Variants in CRAMP1 observed in about 807,000 individuals in gnomAD.
CRAMP1 encodes the protein cramped chromatin regulator 1, also known as protein cramped-like.
Under a neutral mutation model 115.4 loss-of-function variants are expected in CRAMP1, and 50 were observed. The ratio of observed to expected loss-of-function variants is 0.43; its 90% CI spans 0.35 to 0.55. The LOEUF (loss-of-function observed/expected upper bound fraction) is 0.55. CRAMP1 is among the 20% of genes least tolerant of loss of function. CRAMP1 has a pLI of 0.01. For missense variants in CRAMP1, 1,679 were observed against 1,721.7 expected (o/e 0.98, Z 0.44); for synonymous variants, 866 against 745.4 (o/e 1.16, Z -2.64).
chr16:1,640,103 C>T (rs576723201), intron 5 of CRAMP1, among the ~76,000 whole-genome samples: 76 of 152,312 alleles, frequency 5.0e-4, no homozygotes, highest in African/African-American at 1.8e-3. Flanking sequence ...CTTTCCGGTG[C>T]TTTTCATTCC....
In CRAMP1 at chr16:1,674,079, G is replaced by A. The variant is rs201837993; in HGVS notation, c.*34G>A. 1,296 of 1,600,158 alleles carry A rather than the reference G, an allele frequency of 8.1e-4. 6 individuals are homozygous for A. Among genetic ancestry groups the A allele is most frequent in the Middle Eastern group, 9.0e-4 (4 of 4,424 alleles). On this transcript the variant is annotated 3_prime_UTR_variant, in exon 21 of 21. Transcript: ENST00000397412. ...CCTGGTGGCGGATGAAGCCCTCTTC[G>A]AGCTAGAGAAAAATAGATAAGCCCA...
At chr16:1,667,884 G>A (rs375030304) in intron 17 of CRAMP1, 78 bp from the exon 18 acceptor site, 37 of 889,474 alleles carry the variant, frequency 4.2e-5, no homozygotes, top group South Asian at 1.2e-4. Context: ...CAAGCTAGGA[G>A]AGTAAGCTGG....
rs148855035 is a variant in CRAMP1 at position 1,649,484 on chromosome 16, T to C, written c.828-3012T>C. Among the ~76,000 whole-genome samples the C allele has an allele frequency of 5.5e-4, 84 of 152,154 alleles. 2 individuals carry two copies. In the East Asian group the frequency reaches 0.016, roughly 29 times the overall value. ...CTCACTGTTTGGCCTTATTTATTTC[T>C]ATTTTTATTTTTTTATTTTTTTTGA... On this transcript the variant is annotated intron_variant, in intron 6 of 20. Transcript: ENST00000397412.
At position 1,666,252 on chromosome 16, in the gene CRAMP1, T is replaced by C. The variant is rs771116030; in HGVS notation, c.2857+75T>C. 1 of 1,242,382 alleles carries C rather than the reference T, an allele frequency of 8.0e-7. No homozygotes were observed. The highest frequency in any genetic ancestry group is 1.2e-6 in the Non-Finnish European group (1 of 866,348). The allele number at this position is 1,242,382 out of a possible 1,614,324, so 77.0% of individuals were successfully genotyped here. A position where few individuals can be genotyped will look rare whatever the true frequency, so the allele number is the denominator to read the frequency against. On this transcript the variant is annotated intron_variant, in intron 15 of 20. Transcript: ENST00000397412. The surrounding 1 kb of genome is among the most constrained non-coding windows in gnomAD (Gnocchi z 5.0). Reference sequence around the variant, plus strand: ...TGTTTTTGTGACCAGGTTTTTTGAATGTTTTCTTCTCCAAATCATAATGTC... The same window carrying C: ...TGTTTTTGTGACCAGGTTTTTTGAACGTTTTCTTCTCCAAATCATAATGTC...
chr16:1,670,382 G>A (rs1306195478), intron 19 of CRAMP1: 9 of 380,506 alleles, frequency 2.4e-5, no homozygotes, highest in South Asian at 1.5e-4. Context: ...GGATGGCAGC[G>A]AGGGTGGGAG....
chr16:1,652,956 G>A, intron 7 of CRAMP1, 77 bp from the exon 8 acceptor site: 1 of 1,570,198 alleles, frequency 6.4e-7, no homozygotes, highest in Non-Finnish European at 8.7e-7. Flanking sequence ...GATTTCACTG[G>A]TTTTTCTGGC....
intron 13 of CRAMP1, among the ~76,000 whole-genome samples, chr16:1,664,083 C>T (rs756749005): frequency 2.6e-5 from 4 of 152,304 alleles, no homozygotes; most frequent in South Asian, 2.1e-4. Flanking sequence ...GTCTCTCCGA[C>T]GCCAGTGTCC....
chr16:1,614,248 G>A lies in CRAMP1; in HGVS notation c.-1-391G>A, dbSNP rs1399451898. 1.4e-5 allele frequency among the ~76,000 whole-genome samples: 2 copies of A among 147,284 alleles called. No homozygotes were observed. The highest frequency in any genetic ancestry group is 3.0e-5 in the Non-Finnish European group (2 of 66,050). ...CCCCGCCGGGTAGGTGGCTGTGGGC[G>A]GGGCAGCGGCCCGGACCCGCAACCG... On this transcript the variant is annotated intron_variant, in intron 1 of 20. Transcript: ENST00000397412. This position sits in a 1 kb window ranked among gnomAD's most constrained non-coding sequence, Gnocchi z 4.4.
intron 8 of CRAMP1, among the ~76,000 whole-genome samples, chr16:1,653,468 G>A (rs2036741528): frequency 6.6e-6 from 1 of 152,222 alleles, no homozygotes; most frequent in African/African-American, 2.4e-5. Flanking sequence ...CCGCTTCTTG[G>A]AGACTCGTGG....
At position 1,667,982 on chromosome 16, in the gene CRAMP1, A is replaced by T. The variant is rs1208235654; in HGVS notation, c.3123A>T (p.Leu1041Phe). 3 of 1,611,806 alleles carry T rather than the reference A, an allele frequency of 1.9e-6. No homozygotes were observed. Among genetic ancestry groups the T allele is most frequent in the Non-Finnish European group, 2.5e-6 (3 of 1,178,854 alleles). The change falls in exon 18 of 21, where the codon TTA becomes TTT. Residue 1041 changes from leucine to phenylalanine, a missense_variant. Around this residue, in one of 8 missense-constraint regions of CRAMP1, gnomAD observed 709 missense variants for 741.9 expected, o/e 0.96. Coordinates refer to ENST00000397412, the MANE Select transcript of CRAMP1 (RefSeq NM_020825.4). ...DSFQGSSVLS[L>F]SELPKAPLQN... ...AGCAGGGCTCATCTGTTCTCTCCTTATCTGAGCTGCCCAAGGCCCCTCTCC... is the reference window on the plus strand; with the variant it reads ...AGCAGGGCTCATCTGTTCTCTCCTTTTCTGAGCTGCCCAAGGCCCCTCTCC...
chr16:1,669,609 C>G lies in CRAMP1; in HGVS notation c.3499+444C>G, dbSNP rs2036904877. 6.6e-6 allele frequency among the ~76,000 whole-genome samples: 1 copy of G among 152,206 alleles called. No individual in the cohort carries two copies. Among genetic ancestry groups the G allele is most frequent in the Non-Finnish European group, 1.5e-5 (1 of 68,046 alleles). On this transcript the variant is annotated intron_variant, in intron 19 of 20. Transcript: ENST00000397412. This position sits in a 1 kb window ranked among gnomAD's most constrained non-coding sequence, Gnocchi z 4.6. ...TGGATGGTCCAGCTGCCACCTGGCA[C>G]ATTCTTGAATATAGATCGGAGAGTT...
At chr16:1,660,649 A>G (rs759673225) in intron 11 of CRAMP1, among the ~76,000 whole-genome samples, 2 of 152,238 alleles carry the variant, frequency 1.3e-5, no homozygotes, top group Non-Finnish European at 2.9e-5. Context: ...CTTTCAACCC[A>G]TAGTATTTTT....
intron 6 of CRAMP1, among the ~76,000 whole-genome samples, chr16:1,649,499 A>G (rs927139344): frequency 1.3e-5 from 2 of 151,284 alleles, no homozygotes; most frequent in African/African-American, 2.4e-5. Flanking sequence ...TTATTTTTTT[A>G]TTTTTTTTGA....
At chr16:1,622,753 CTTT>C (rs936343370) in intron 2 of CRAMP1, among the ~76,000 whole-genome samples, 1 of 129,362 alleles carries the variant, frequency 7.7e-6, no homozygotes. Flanking sequence ...CGGCAGTCTA[CTTT>C]TTTTTTTTTT....
At chr16:1,670,621 C>A (rs202097619) in intron 19 of CRAMP1, 43 bp from the exon 20 acceptor site, 1 of 1,608,064 alleles carries the variant, frequency 6.2e-7, no homozygotes, top group Non-Finnish European at 8.5e-7. Flanking sequence ...TGGTCCAGAC[C>A]AAGCAGGGTT....
chr16:1,637,219 G>A (rs1387050952), intron 4 of CRAMP1, among the ~76,000 whole-genome samples: 2 of 152,110 alleles, frequency 1.3e-5, no homozygotes, highest in African/African-American at 4.8e-5. Context: ...TCTTGAGCCT[G>A]GGAGGCAGAG....
At chr16:1,651,744 G>C (rs895730447) in intron 6 of CRAMP1, among the ~76,000 whole-genome samples, 3 of 149,584 alleles carry the variant, frequency 2.0e-5, no homozygotes, top group Admixed American at 6.6e-5. Context: ...AGGTCACACA[G>C]AGGTCATAGA....
intron 8 of CRAMP1, among the ~76,000 whole-genome samples, chr16:1,654,189 A>C (rs569566722): frequency 1.3e-5 from 2 of 151,906 alleles, no homozygotes; most frequent in South Asian, 2.1e-4. Flanking sequence ...CATATCATAA[A>C]ATGAACTTAG....
rs1270140901 is a variant in CRAMP1, at chr16:1,675,251, C to G, written c.*1206C>G. On this transcript the variant is annotated 3_prime_UTR_variant, in exon 21 of 21. Coordinates refer to ENST00000397412, the MANE Select transcript of CRAMP1 (RefSeq NM_020825.4). Reference sequence around the variant, plus strand: ...TTCCCCAGGACAGAGCTAACAAGGGCCCCTTTGCCTTCTCATCCTCAGGAG... The same window carrying G: ...TTCCCCAGGACAGAGCTAACAAGGGGCCCTTTGCCTTCTCATCCTCAGGAG... 3.3e-5 allele frequency: 5 copies of G among 152,344 alleles called. No homozygotes were observed. Among genetic ancestry groups the G allele is most frequent in the Non-Finnish European group, 7.3e-5 (5 of 68,134 alleles). 9.4% of individuals were successfully genotyped at this position (152,344 alleles called of 1,614,324 possible).
Sources: allele counts gnomAD v4.1 joint callset (sites outside exome capture counted in the v4.1 genomes callset), GRCh38; gene constraint gnomAD v4.1.1; regional missense constraint gnomAD v4.1.1; non-coding constraint Gnocchi (gnomAD v3.1); transcripts MANE v1.5; gene names NCBI Gene and HGNC (gene_info 2026-07-23, HGNC 2026-07-21).